The following CCBE1 variants were observed in gnomAD, a reference collection of about 807,000 sequenced individuals.
The protein encoded by CCBE1 is collagen and calcium binding EGF domains 1, also known as collagen and calcium-binding EGF domain-containing protein 1.
In CCBE1, 37 loss-of-function variants were observed where a neutral mutation model predicts 50.0. The ratio of observed to expected loss-of-function variants is 0.74; its 90% CI spans 0.57 to 0.97. The LOEUF (loss-of-function observed/expected upper bound fraction) is 0.97, where lower values mean the gene tolerates loss of function less well. Among genes scored for constraint, CCBE1 ranks in the 50% least tolerant of loss-of-function variants. The probability of loss-of-function intolerance (pLI) is 0.00; values close to 1 mark genes in which losing one functional copy is unlikely to be tolerated. For missense variants in CCBE1, 538 were observed against 523.8 expected, an observed-to-expected ratio of 1.03 and a Z score of -0.26; for synonymous variants, 234 against 203.7, an observed-to-expected ratio of 1.15 and a Z score of -1.27.
At chr18:59,517,487 T>C (rs1355873294) in intron 2 of CCBE1, among the ~76,000 whole-genome samples, 1 of 152,248 alleles carries the variant, frequency 6.6e-6, no homozygotes, top group Non-Finnish European at 1.5e-5. Context: ...ATATAAAGGA[T>C]ATCAAGTCAT....
At chr18:59,595,039 G>C (rs1195799664) in intron 2 of CCBE1, among the ~76,000 whole-genome samples, 1 of 150,926 alleles carries the variant, frequency 6.6e-6, no homozygotes, top group Non-Finnish European at 1.5e-5. Flanking sequence ...TTGAACCCGG[G>C]AGATGGAGGT....
chr18:59,573,225 C>T (rs1448130721), intron 2 of CCBE1, among the ~76,000 whole-genome samples: 8 of 147,708 alleles, frequency 5.4e-5, no homozygotes, highest in Admixed American at 4.1e-4. Context: ...GCAGAGGCTG[C>T]AGTGAGCCGG....
At chr18:59,625,104 A>G (rs559076788) in intron 2 of CCBE1, among the ~76,000 whole-genome samples, 11 of 152,218 alleles carry the variant, frequency 7.2e-5, no homozygotes, top group African/African-American at 2.4e-4. Context: ...CCCCTGCTAT[A>G]AAGACAAGGT....
intron 2 of CCBE1, among the ~76,000 whole-genome samples, chr18:59,644,636 G>A (rs2054031543): frequency 6.6e-6 from 1 of 152,216 alleles, no homozygotes; most frequent in African/African-American, 2.4e-5. Context: ...CAATTTGGTA[G>A]ATAAAAGTTT....
At chr18:59,690,476 A>G (rs1221454050) in intron 2 of CCBE1, among the ~76,000 whole-genome samples, 1 of 152,204 alleles carries the variant, frequency 6.6e-6, no homozygotes, top group Non-Finnish European at 1.5e-5. Flanking sequence ...GCTGAGCAGG[A>G]GAACAGCAGG....
At chr18:59,571,054 G>A (rs529618058) in intron 2 of CCBE1, among the ~76,000 whole-genome samples, 2 of 152,242 alleles carry the variant, frequency 1.3e-5, no homozygotes, top group Admixed American at 1.3e-4. Context: ...TCCCACTTCT[G>A]AGTATAATAG....
chr18:59,609,827 T>C (rs2053546746), intron 2 of CCBE1, among the ~76,000 whole-genome samples: 1 of 152,250 alleles, frequency 6.6e-6, no homozygotes, highest in African/African-American at 2.4e-5. Flanking sequence ...ATACAAGTAA[T>C]GACCCAGTTA....
chr18:59,587,334 C>T (rs2053192689), intron 2 of CCBE1, among the ~76,000 whole-genome samples: 1 of 152,134 alleles, frequency 6.6e-6, no homozygotes, highest in Admixed American at 6.5e-5. Flanking sequence ...GGAAGTGTAA[C>T]ACTGAAAACA....
rs1344828295 is a variant in CCBE1, at chr18:59,431,693, T to A, written c.*4215A>T. 1 of 152,290 alleles carries A rather than the reference T, an allele frequency of 6.6e-6. No individual in the cohort carries two copies. Among genetic ancestry groups the A allele is most frequent in the Non-Finnish European group, 1.5e-5 (1 of 68,078 alleles). 9.4% of individuals were successfully genotyped at this position (152,290 alleles called of 1,614,324 possible). On this transcript the variant is annotated 3_prime_UTR_variant, in exon 11 of 11. Transcript: ENST00000439986. ...TCTTCGCTGGTATTTGGTGGGGTAA[T>A]ACTCACCTTTCCTTCCTTCCAAAAC...
At chr18:59,481,900 T>C (rs2143776088) in intron 2 of CCBE1, among the ~76,000 whole-genome samples, 1 of 152,276 alleles carries the variant, frequency 6.6e-6, no homozygotes, top group Non-Finnish European at 1.5e-5. Flanking sequence ...TGAGTACATA[T>C]GAAGAATTTT....
chr18:59,476,895 C>T (rs1912331238), intron 3 of CCBE1, among the ~76,000 whole-genome samples: 2 of 152,280 alleles, frequency 1.3e-5, no homozygotes, highest in African/African-American at 4.8e-5. Flanking sequence ...ATTCACAGGT[C>T]CCAGAATCAA....
chr18:59,466,375 CT>C (rs1911743028), intron 5 of CCBE1, among the ~76,000 whole-genome samples: 1 of 152,086 alleles, frequency 6.6e-6, no homozygotes, highest in South Asian at 2.1e-4. Flanking sequence ...TAAGACGTGC[CT>C]TTGCTCCTCC....
At chr18:59,463,110 G>A (rs1359503431) in intron 5 of CCBE1, among the ~76,000 whole-genome samples, 1 of 152,194 alleles carries the variant, frequency 6.6e-6, no homozygotes, top group East Asian at 1.9e-4. Flanking sequence ...GGAAAGAGGT[G>A]CATGTAGTCC....
chr18:59,694,783 G>A (rs1003718385), intron 2 of CCBE1, among the ~76,000 whole-genome samples: 6 of 152,270 alleles, frequency 3.9e-5, no homozygotes, highest in African/African-American at 1.2e-4. Context: ...GAGAACTCTC[G>A]ACTTCCATAG....
At chr18:59,608,060 C>T (rs1304998109) in intron 2 of CCBE1, among the ~76,000 whole-genome samples, 1 of 152,144 alleles carries the variant, frequency 6.6e-6, no homozygotes, top group Non-Finnish European at 1.5e-5. Context: ...TGGGAGGTTG[C>T]AGTGAGCTGA....
At chr18:59,541,794 C>T (rs9961972) in intron 2 of CCBE1, among the ~76,000 whole-genome samples, 31,744 of 151,934 alleles carry the variant, frequency 0.21, 3,525 homozygotes, top group Non-Finnish European at 0.24. Flanking sequence ...ATGGAGAAGA[C>T]AGATTAGCCT....
chr18:59,522,147 T>A (rs1425711325), intron 2 of CCBE1, among the ~76,000 whole-genome samples: 7 of 151,882 alleles, frequency 4.6e-5, no homozygotes, highest in African/African-American at 1.7e-4. Context: ...TTTGTACATT[T>A]GTATAATCTA....
At chr18:59,442,092 T>G (rs1057253040) in intron 7 of CCBE1, among the ~76,000 whole-genome samples, 2 of 152,206 alleles carry the variant, frequency 1.3e-5, no homozygotes, top group African/African-American at 4.8e-5. Flanking sequence ...ACACTATTCT[T>G]TCTGTCTTGT....
At chr18:59,614,134 T>C (rs1334018409) in intron 2 of CCBE1, among the ~76,000 whole-genome samples, 2 of 152,098 alleles carry the variant, frequency 1.3e-5, no homozygotes, top group Non-Finnish European at 2.9e-5. Flanking sequence ...GCCTCCTGAG[T>C]AGCTGAGATT....
Sources: allele counts gnomAD v4.1 joint callset (sites outside exome capture counted in the v4.1 genomes callset), GRCh38; gene constraint gnomAD v4.1.1; transcripts MANE v1.5; gene names NCBI Gene and HGNC (gene_info 2026-07-23, HGNC 2026-07-21).